ADAMTS20: variants seen among roughly 807,000 people sequenced by gnomAD.
ADAMTS20 encodes the protein ADAM metallopeptidase with thrombospondin type 1 motif 20.
ADAMTS20 carries 225 observed loss-of-function variants against 260.1 expected under a neutral mutation model. The observed-to-expected ratio is 0.87, with a 90% CI of 0.78 to 0.97. The LOEUF is 0.97. Ranked by LOEUF, ADAMTS20 falls within the 50% of genes least tolerant of loss-of-function variation. The pLI is 0.00. For missense variants in ADAMTS20, 2,400 were observed against 2,337.7 expected, an observed-to-expected ratio of 1.03 and a Z score of -0.55; for synonymous variants, 802 against 769.5, an observed-to-expected ratio of 1.04 and a Z score of -0.70.
chr12:43,472,173 G>C (rs991972407), intron 7 of ADAMTS20, among the ~76,000 whole-genome samples: 4 of 146,470 alleles, frequency 2.7e-5, no homozygotes, highest in Non-Finnish European at 1.5e-5. Flanking sequence ...CAAGGCTCGA[G>C]AACTACGTGA....
At chr12:43,424,678 G>T (rs1443788881) in intron 28 of ADAMTS20, among the ~76,000 whole-genome samples, 2 of 151,918 alleles carry the variant, frequency 1.3e-5, no homozygotes, top group Non-Finnish European at 2.9e-5. Context: ...GCCTTAATTT[G>T]CCATTTTTAC....
Position 43,428,389 on chromosome 12 carries a change from G to T in ADAMTS20, c.3797C>A (p.Ala1266Glu). Reference sequence around the variant, plus strand: ...AGGGGAACTAGGAAAGTGGCTGTGTGCAGGAGGGCAGGCTGCCAGGCTACA... The same window carrying T: ...AGGGGAACTAGGAAAGTGGCTGTGTTCAGGAGGGCAGGCTGCCAGGCTACA... ...QECSLAACPP[A>E]HSHFPSSPVQ... Residue 1266 changes from alanine (A) to glutamate (E), a missense_variant, in exon 26 of 39, where the codon GCA (alanine) becomes GAA (glutamate). Physicochemically the swap from Ala to Glu is moderately radical, Grantham distance 107. Transcript: ENST00000389420. 6.2e-7 allele frequency: 1 copy of T among 1,613,834 alleles called. No homozygotes were observed. Among genetic ancestry groups the T allele is most frequent in the Non-Finnish European group, 8.5e-7 (1 of 1,179,870 alleles).
At chr12:43,362,915 T>G (rs1592025806) in intron 37 of ADAMTS20, among the ~76,000 whole-genome samples, 1 of 151,864 alleles carries the variant, frequency 6.6e-6, no homozygotes, top group African/African-American at 2.4e-5. Context: ...GAAAACAGAT[T>G]ATCTCCTAAA....
At chr12:43,466,053 T>C (rs950693392) in intron 9 of ADAMTS20, among the ~76,000 whole-genome samples, 3 of 151,918 alleles carry the variant, frequency 2.0e-5, no homozygotes, top group African/African-American at 7.2e-5. Context: ...AGAAACACCA[T>C]TTGGATAAAA....
chr12:43,358,203 A>G (rs1195514781), intron 37 of ADAMTS20, among the ~76,000 whole-genome samples: 1 of 152,160 alleles, frequency 6.6e-6, no homozygotes, highest in Non-Finnish European at 1.5e-5. Flanking sequence ...ATTCAAATGT[A>G]TACACATTGG....
intron 2 of ADAMTS20, among the ~76,000 whole-genome samples, chr12:43,542,205 C>T (rs995427518): frequency 6.6e-5 from 10 of 152,054 alleles, no homozygotes; most frequent in African/African-American, 2.2e-4. Flanking sequence ...CCCAAACTGT[C>T]TCCAAAATAT....
rs1943516792 is a variant in ADAMTS20 at position 43,551,525 on chromosome 12, A to G, written c.92-255T>C. Among the ~76,000 whole-genome samples the G allele has an allele frequency of 6.6e-6, 1 of 151,698 alleles. No homozygotes were observed. The highest frequency in any genetic ancestry group is 2.1e-4 in the South Asian group (1 of 4,810). On this transcript the variant is annotated intron_variant, in intron 1 of 38. Coordinates refer to ENST00000389420, the MANE Select transcript of ADAMTS20 (RefSeq NM_025003.5). This position sits in a 1 kb window ranked among gnomAD's most constrained non-coding sequence, Gnocchi z 4.6. ...TACCACTAATGGCCCTAAGCAACCC[A>G]CTTCCTTCCCCAGTACCTCCTAACC...
At chr12:43,477,737 G>A (rs11182104) in intron 7 of ADAMTS20, among the ~76,000 whole-genome samples, 30,287 of 151,870 alleles carry the variant, frequency 0.2, 3,366 homozygotes, top group Middle Eastern at 0.31. Context: ...AATTCTAGGC[G>A]GTAAGCAATG....
chr12:43,495,947 A>G (rs1277921698), intron 4 of ADAMTS20, among the ~76,000 whole-genome samples: 1 of 152,090 alleles, frequency 6.6e-6, no homozygotes, highest in East Asian at 1.9e-4. Context: ...CTATATTTAG[A>G]TGTTTAAAGG....
At chr12:43,428,848 C>A (rs1388068442) in intron 24 of ADAMTS20, 49 bp from the exon 25 acceptor site, 1 of 1,475,730 alleles carries the variant, frequency 6.8e-7, no homozygotes, top group Non-Finnish European at 9.1e-7. Context: ...TAGTACCTCA[C>A]CCATGTCCCT....
chr12:43,394,302 G>A (rs990788168), intron 29 of ADAMTS20, among the ~76,000 whole-genome samples: 6 of 152,168 alleles, frequency 3.9e-5, no homozygotes, highest in Middle Eastern at 3.4e-3. Flanking sequence ...CCATTTAATT[G>A]TTTTTCTCTA....
chr12:43,391,188 G>A (rs1940588868), intron 29 of ADAMTS20, among the ~76,000 whole-genome samples: 1 of 152,118 alleles, frequency 6.6e-6, no homozygotes, highest in African/African-American at 2.4e-5. Context: ...CTAGATCTCT[G>A]GAGTGTCTTT....
intron 19 of ADAMTS20, among the ~76,000 whole-genome samples, chr12:43,433,254 C>T (rs1399486214): frequency 2.0e-5 from 3 of 152,174 alleles, no homozygotes; most frequent in Non-Finnish European, 4.4e-5. Flanking sequence ...AAGTACACTA[C>T]ACTTTCTCAT....
chr12:43,392,560 A>G (rs546769155), intron 29 of ADAMTS20, among the ~76,000 whole-genome samples: 2 of 152,284 alleles, frequency 1.3e-5, no homozygotes, highest in South Asian at 4.1e-4. Flanking sequence ...TTAGGAATAA[A>G]AGTACAAAAG....
intron 28 of ADAMTS20, among the ~76,000 whole-genome samples, chr12:43,421,282 C>CAAAAAAAAAA (rs61465679): frequency 0.019 from 2,280 of 118,594 alleles, 69 homozygotes; most frequent in East Asian, 0.054. Flanking sequence ...CTTTCATTTA[C>CAAAAAAAAAA]AAAAAAAAAA....
At chr12:43,528,257 T>C (rs1370865152) in intron 3 of ADAMTS20, among the ~76,000 whole-genome samples, 1 of 141,984 alleles carries the variant, frequency 7.0e-6, no homozygotes, top group African/African-American at 2.6e-5. Flanking sequence ...AATGACCACA[T>C]TGCCAAAAAT....
intron 28 of ADAMTS20, among the ~76,000 whole-genome samples, chr12:43,414,027 G>C (rs531600801): frequency 6.6e-6 from 1 of 151,982 alleles, no homozygotes; most frequent in Non-Finnish European, 1.5e-5. Flanking sequence ...ATATCTATTG[G>C]TGTCTAACAC....
intron 20 of ADAMTS20, 64 bp from the exon 21 acceptor site, chr12:43,432,532 T>A: frequency 6.2e-7 from 1 of 1,600,774 alleles, no homozygotes; most frequent in Non-Finnish European, 8.5e-7. Context: ...AAATTATACT[T>A]CAGAGTAACA....
intron 29 of ADAMTS20, among the ~76,000 whole-genome samples, chr12:43,390,412 A>G (rs1296890612): frequency 6.6e-6 from 1 of 152,218 alleles, no homozygotes; most frequent in Non-Finnish European, 1.5e-5. Flanking sequence ...TAGGCTGAGA[A>G]TTTTCCAAAA....
Sources: gnomAD v4.1 joint callset for allele counts (sites outside exome capture counted in the v4.1 genomes callset) on GRCh38, gnomAD v4.1.1 for gene constraint, Gnocchi (gnomAD v3.1) non-coding constraint, MANE v1.5 for transcripts, NCBI Gene and HGNC (gene_info 2026-07-23, HGNC 2026-07-21) for gene names.